DLG2: variants seen among roughly 807,000 people sequenced by gnomAD.
The protein encoded by DLG2 is disks large homolog 2.
Under a neutral mutation model 132.5 loss-of-function variants are expected in DLG2, and 45 were observed. The observed-to-expected ratio is 0.34, with a 90% confidence interval of 0.27 to 0.44. The LOEUF is 0.44. Ranked by LOEUF, DLG2 falls within the 20% of genes least tolerant of loss-of-function variation. The pLI is 1.00. For synonymous variants in DLG2, 424 were observed against 419.6 expected (o/e 1.01, Z -0.13); for missense variants, 1,045 against 1,196.9 (o/e 0.87, Z 1.87).
At chr11:84,224,052 C>A (rs1341209556) in intron 8 of DLG2, among the ~76,000 whole-genome samples, 1 of 152,174 alleles carries the variant, frequency 6.6e-6, no homozygotes, top group Admixed American at 6.5e-5. Flanking sequence ...GGACAGAGTG[C>A]TTCCCCACCC....
At chr11:84,374,192 C>A (rs1417846667) in intron 7 of DLG2, among the ~76,000 whole-genome samples, 1 of 152,168 alleles carries the variant, frequency 6.6e-6, no homozygotes, top group East Asian at 1.9e-4. Context: ...TAAGCCTCCA[C>A]ATGCCTGAAA....
intron 19 of DLG2, among the ~76,000 whole-genome samples, chr11:83,568,133 G>A (rs2096739532): frequency 6.6e-6 from 1 of 152,142 alleles, no homozygotes; most frequent in African/African-American, 2.4e-5. Context: ...TTAGGATGCT[G>A]TTGCAAGAGG....
At chr11:83,788,886 T>G (rs1239266556) in intron 17 of DLG2, among the ~76,000 whole-genome samples, 1 of 152,252 alleles carries the variant, frequency 6.6e-6, no homozygotes, top group Non-Finnish European at 1.5e-5. Flanking sequence ...TAATCATAAT[T>G]CTAGTTCCAT....
chr11:84,246,082 C>T (rs1001781585), intron 8 of DLG2, among the ~76,000 whole-genome samples: 1 of 152,214 alleles, frequency 6.6e-6, no homozygotes, highest in Non-Finnish European at 1.5e-5. Flanking sequence ...CAGAATGAAA[C>T]TTCTGAAGCA....
chr11:83,597,724 G>C (rs994650305), intron 19 of DLG2, among the ~76,000 whole-genome samples: 1 of 152,070 alleles, frequency 6.6e-6, no homozygotes, highest in Non-Finnish European at 1.5e-5. Flanking sequence ...GGCGGAGGCT[G>C]CAGTGAGCTG....
chr11:85,269,662 T>C (rs1297348037), intron 4 of DLG2, among the ~76,000 whole-genome samples: 1 of 152,176 alleles, frequency 6.6e-6, no homozygotes, highest in East Asian at 1.9e-4. Context: ...ACAATAGTGT[T>C]AATGTTAGGC....
chr11:84,876,599 G>C (rs1034307436), intron 6 of DLG2, among the ~76,000 whole-genome samples: 1 of 152,036 alleles, frequency 6.6e-6, no homozygotes, highest in South Asian at 2.1e-4. Flanking sequence ...CTGGGTAGCT[G>C]TCTATTTGTT....
At chr11:84,418,245 G>A (rs2098936565) in intron 7 of DLG2, among the ~76,000 whole-genome samples, 1 of 152,120 alleles carries the variant, frequency 6.6e-6, no homozygotes, top group South Asian at 2.1e-4. Flanking sequence ...CACATAGTAA[G>A]ACTTACAAGA....
intron 6 of DLG2, among the ~76,000 whole-genome samples, chr11:84,846,890 A>G (rs2081544373): frequency 6.6e-6 from 1 of 152,090 alleles, no homozygotes; most frequent in Non-Finnish European, 1.5e-5. Context: ...TATATGTGAG[A>G]TTTTTTTATA....
Position 83,457,364 on chromosome 11 carries a change from A to G in DLG2, c.*2454T>C, listed in dbSNP as rs1171831372. On this transcript the variant is annotated 3_prime_UTR_variant, in exon 28 of 28. Transcript: ENST00000376104. Reference sequence around the variant, plus strand: ...CAAATGGAGGTGTAAATTCTATTGGAAAAGACCCTCTCACCAATTTGCTTG... The same window carrying G: ...CAAATGGAGGTGTAAATTCTATTGGGAAAGACCCTCTCACCAATTTGCTTG... The G allele has an allele frequency of 1.3e-5, 2 of 152,630 alleles. No homozygotes were observed. Among genetic ancestry groups the G allele is most frequent in the Non-Finnish European group, 2.9e-5 (2 of 68,034 alleles). The allele number at this position is 152,630 out of a possible 1,614,324, so 9.5% of individuals were successfully genotyped here. A position where few individuals can be genotyped will look rare whatever the true frequency, so the allele number is the denominator to read the frequency against.
intron 6 of DLG2, among the ~76,000 whole-genome samples, chr11:84,784,143 CAAAAAAAAAAAAAAAA>C (rs59301159): frequency 6.9e-4 from 6 of 8,656 alleles, no homozygotes; most frequent in African/African-American, 1.4e-3. Flanking sequence ...ACTAAAAATG[CAAAAAAAAAAAAAAAA>C]AAAAAAAAAA....
chr11:84,992,008 C>T (rs2057171501), intron 6 of DLG2, among the ~76,000 whole-genome samples: 1 of 152,074 alleles, frequency 6.6e-6, no homozygotes. Context: ...ATCATGAAGG[C>T]ATCTAAGTTT....
At chr11:85,321,594 G>A (rs2081072470) in intron 3 of DLG2, among the ~76,000 whole-genome samples, 1 of 151,968 alleles carries the variant, frequency 6.6e-6, no homozygotes, top group Admixed American at 6.6e-5. Flanking sequence ...AGAGATTTGG[G>A]AAAATAAACA....
chr11:85,081,625 C>T (rs1317964555), intron 6 of DLG2, among the ~76,000 whole-genome samples: 1 of 152,130 alleles, frequency 6.6e-6, no homozygotes, highest in African/African-American at 2.4e-5. Flanking sequence ...AGGGTGGAGA[C>T]AGGTGGTGGC....
rs1359636923 is a variant in DLG2 at position 84,923,420 on chromosome 11, T to C, written c.357+188241A>G. On this transcript the variant is annotated intron_variant, in intron 6 of 27. Transcript: ENST00000376104. ...CCTTCTAGCATTTTAAATCACTGGA[T>C]TAAAAAAAAAAAAGAAGAAGAAGAA... The C allele has an allele frequency of 8.4e-6, 8 of 956,640 alleles. No individual in the cohort carries two copies. In the African/African-American group the frequency reaches 1.7e-4, roughly 20 times the overall value. The allele number at this position is 956,640 out of a possible 1,614,324, so 59.3% of individuals were successfully genotyped here.
chr11:85,243,570 T>C (rs563409973), intron 4 of DLG2, among the ~76,000 whole-genome samples: 2 of 152,138 alleles, frequency 1.3e-5, no homozygotes, highest in Non-Finnish European at 2.9e-5. Context: ...TTAAGCTTTC[T>C]AGTTTTCAGT....
chr11:85,408,391 TTTA>T (rs368903660), intron 3 of DLG2, among the ~76,000 whole-genome samples: 271 of 149,858 alleles, frequency 1.8e-3, no homozygotes, highest in African/African-American at 4.4e-3. Flanking sequence ...TACTATTATT[TTTA>T]TTATTATTAT....
chr11:83,699,732 A>T (rs893260641), intron 18 of DLG2, among the ~76,000 whole-genome samples: 3 of 126,660 alleles, frequency 2.4e-5, no homozygotes, highest in South Asian at 2.5e-4. Context: ...ATAATAATTT[A>T]AAAATAATAA....
chr11:83,518,029 C>T (rs542151662), intron 21 of DLG2, among the ~76,000 whole-genome samples: 1 of 152,170 alleles, frequency 6.6e-6, no homozygotes, highest in Admixed American at 6.5e-5. Flanking sequence ...GCTGGGAGAA[C>T]CACTACTCTC....
Sources: gnomAD v4.1 joint callset for allele counts (sites outside exome capture counted in the v4.1 genomes callset) on GRCh38, gnomAD v4.1.1 for gene constraint, MANE v1.5 for transcripts, NCBI Gene and HGNC (gene_info 2026-07-23, HGNC 2026-07-21) for gene names.